CLSPN: variants seen among roughly 807,000 people sequenced by gnomAD.
CLSPN encodes claspin.
In CLSPN, 85 loss-of-function variants were observed where a neutral mutation model predicts 156.3. The observed-to-expected ratio is 0.54, with a 90% confidence interval of 0.46 to 0.65. The LOEUF (loss-of-function observed/expected upper bound fraction) is 0.65. Ranked by LOEUF, CLSPN falls within the 30% of genes least tolerant of loss-of-function variation. The pLI is 0.00. For missense variants in CLSPN, 1,407 were observed against 1,554.9 expected, an observed-to-expected ratio of 0.90 and a Z score of 1.60; for synonymous variants, 534 against 542.4, an observed-to-expected ratio of 0.98 and a Z score of 0.22.
chr1:35,757,279 T>C (rs1642304350), intron 8 of CLSPN, among the ~76,000 whole-genome samples: 1 of 152,160 alleles, frequency 6.6e-6, no homozygotes, highest in Non-Finnish European at 1.5e-5. Flanking sequence ...TTCAATTTCT[T>C]TGAGAGCAGG....
At chr1:35,753,693 CTGTT>C in intron 9 of CLSPN, 48 bp downstream of exon 9, 1 of 1,511,392 alleles carries the variant, frequency 6.6e-7, no homozygotes, top group South Asian at 1.1e-5. Context: ...CCTTGAAGAT[CTGTT>C]AGAATACAAA....
Position 35,737,986 on chromosome 1 carries a change from G to T in CLSPN, c.3664+6C>A. ...GGCTAGACCCTAAGGAGAAACAAGAGCTCACCATTCTTCTGCAGTGCTTTG... is the reference window on the plus strand; with the variant it reads ...GGCTAGACCCTAAGGAGAAACAAGATCTCACCATTCTTCTGCAGTGCTTTG... On this transcript the variant is annotated splice_donor_region_variant and intron_variant, in intron 22 of 24. Coordinates refer to ENST00000318121, the MANE Select transcript of CLSPN (RefSeq NM_022111.4). 3 of 1,436,600 alleles carry T rather than the reference G, an allele frequency of 2.1e-6. No individual in the cohort carries two copies. The highest frequency in any genetic ancestry group is 2.8e-6 in the Non-Finnish European group (3 of 1,073,028). The allele number at this position is 1,436,600 out of a possible 1,614,324, so 89.0% of individuals were successfully genotyped here.
intron 2 of CLSPN, 67 bp downstream of exon 2, chr1:35,765,151 C>A (rs1642625685): frequency 4.5e-6 from 4 of 894,142 alleles, no homozygotes; most frequent in South Asian, 2.9e-5. Flanking sequence ...ATAATGAAAT[C>A]AATCCAATCT....
At chr1:35,766,291 G>A (rs1305510814) in intron 1 of CLSPN, among the ~76,000 whole-genome samples, 1 of 150,866 alleles carries the variant, frequency 6.6e-6, no homozygotes, top group African/African-American at 2.4e-5. Context: ...CACTGCACCC[G>A]GCCGGTTTCT....
At position 35,765,026 on chromosome 1, in the gene CLSPN, T is replaced by G. The variant is rs1203140960; in HGVS notation, c.133+192A>C. 2.0e-5 allele frequency among the ~76,000 whole-genome samples: 3 copies of G among 152,192 alleles called. No individual in the cohort carries two copies. The East Asian group carries it at 5.8e-4, about 29-fold the overall frequency. The stretch of plus-strand genomic sequence containing the variant: ...GCAATTAACCAGGCAATATGGTAGC[T>G]ATTAGACATTCAACAATATAACATA... On this transcript the variant is annotated intron_variant, in intron 2 of 24. Coordinates refer to ENST00000318121, the MANE Select transcript of CLSPN (RefSeq NM_022111.4).
intron 24 of CLSPN, among the ~76,000 whole-genome samples, chr1:35,722,010 G>A (rs58348672): frequency 3.3e-5 from 5 of 151,664 alleles, no homozygotes; most frequent in African/African-American, 9.7e-5. Flanking sequence ...ATGGTGGTGC[G>A]CGTCTGTAAT....
At chr1:35,766,310 A>G (rs1281782796) in intron 1 of CLSPN, among the ~76,000 whole-genome samples, 1 of 151,124 alleles carries the variant, frequency 6.6e-6, no homozygotes, top group Non-Finnish European at 1.5e-5. Context: ...CTTTAACAAT[A>G]TATTGCAAAG....
At position 35,764,484 on chromosome 1, in the gene CLSPN, C is replaced by T; in HGVS notation, c.364G>A (p.Glu122Lys). The T allele has an allele frequency of 6.2e-7, 1 of 1,614,094 alleles. No homozygotes were observed. The highest frequency in any genetic ancestry group is 1.3e-5 in the African/African-American group (1 of 75,036). The change falls in exon 3 of 25, where the codon GAA (glutamate) becomes AAA (lysine). Residue 122 changes from glutamate to lysine, a missense_variant. Glu to Lys is a moderately conservative substitution (Grantham distance 56). Around this residue, in one of 3 missense-constraint regions of CLSPN, gnomAD observed 1,096 missense variants for 1,193.0 expected, o/e 0.92. Transcript: ENST00000318121. ...ESYMEKSLYQENLEAQVKPCL... is the reference protein window; with the variant it reads ...ESYMEKSLYQKNLEAQVKPCL... ...GGTTTCACTTGCGCTTCAAGATTTT[C>T]CTGATACAAAGACTTTTCCATGTAA...
In CLSPN at chr1:35,721,016, A is replaced by C. The variant is rs140071666; in HGVS notation, c.3910-36T>G. On this transcript the variant is annotated intron_variant, in intron 24 of 24. Transcript: ENST00000251195. Reference sequence around the variant, plus strand: ...ATTAAAGGAAGACGAGGCAGGGAAGAAACAGAGATGAGAGATAGTTCTGAT... The same window carrying C: ...ATTAAAGGAAGACGAGGCAGGGAAGCAACAGAGATGAGAGATAGTTCTGAT... 9,666 of 1,422,048 alleles carry C rather than the reference A, an allele frequency of 6.8e-3. 65 individuals are homozygous for C. Among genetic ancestry groups the C allele is most frequent in the Non-Finnish European group, 6.9e-3 (7,032 of 1,011,838 alleles). 88.1% of individuals were successfully genotyped at this position (1,422,048 alleles called of 1,614,324 possible).
intron 24 of CLSPN, chr1:35,721,026 G>T: frequency 7.5e-7 from 1 of 1,329,492 alleles, no homozygotes; most frequent in Non-Finnish European, 1.1e-6. Flanking sequence ...AAACAGAGAT[G>T]AGAGATAGTT....
At chr1:35,749,606 T>A (rs1439234999) in intron 11 of CLSPN, 27 bp downstream of exon 11, 1 of 1,613,550 alleles carries the variant, frequency 6.2e-7, no homozygotes, top group Non-Finnish European at 8.5e-7. Flanking sequence ...AAGGCAATTT[T>A]AAGTTTTCTT....
intron 10 of CLSPN, 106 bp downstream of exon 10, chr1:35,751,144 A>C: frequency 6.9e-7 from 1 of 1,450,354 alleles, no homozygotes; most frequent in African/African-American, 1.4e-5. Context: ...CATGCCCCTA[A>C]AACCTCTTAT....
At chr1:35,758,529 C>T (rs1433703093) in intron 8 of CLSPN, among the ~76,000 whole-genome samples, 1 of 151,916 alleles carries the variant, frequency 6.6e-6, no homozygotes, top group Non-Finnish European at 1.5e-5. Context: ...CCTGTAATCC[C>T]AGCTACTTGA....
chr1:35,745,777 C>T (rs554991533), intron 15 of CLSPN, among the ~76,000 whole-genome samples: 6 of 152,308 alleles, frequency 3.9e-5, no homozygotes, highest in African/African-American at 1.2e-4. Flanking sequence ...ACCACTATCC[C>T]AGGTCTCATA....
At position 35,737,418 on chromosome 1, in the gene CLSPN, C is replaced by T. The variant is rs749034696; in HGVS notation, c.3668G>A (p.Ser1223Asn). ...VTAKALQKNA[S>N]RPMVIQESKS... ...TGATTCCTGAATAACCATAGGGCGA[C>T]TGGCTGGAAAGAAAAGACAGAGAGG... The change falls in exon 23 of 25, where the codon AGT (serine) becomes AAT (asparagine). Residue 1223 changes from serine (S) to asparagine (N), a missense_variant. By Grantham distance (46) the Ser-to-Asn change is conservative. This residue lies in a region of CLSPN where 241 missense variants were observed against 240.5 expected (regional missense o/e 1.00). Coordinates refer to ENST00000318121, the MANE Select transcript of CLSPN (RefSeq NM_022111.4). The T allele has an allele frequency of 4.3e-6, 7 of 1,612,998 alleles. No homozygotes were observed. The East Asian group carries it at 1.6e-4, about 36-fold the overall frequency.
At chr1:35,745,810 T>G in intron 15 of CLSPN, among the ~76,000 whole-genome samples, 1 of 152,190 alleles carries the variant, frequency 6.6e-6, no homozygotes, top group East Asian at 1.9e-4. Flanking sequence ...GATCTAGCAG[T>G]TGTGTGTATT....
chr1:35,745,597 G>T, intron 15 of CLSPN, 35 bp from the exon 16 acceptor site: 1 of 1,392,620 alleles, frequency 7.2e-7, no homozygotes, highest in South Asian at 1.2e-5. Context: ...TGTCACCAAG[G>T]AATGATAGCT....
intron 20 of CLSPN, 78 bp from the exon 21 acceptor site, chr1:35,738,660 T>C: frequency 6.9e-7 from 1 of 1,448,332 alleles, no homozygotes; most frequent in Non-Finnish European, 9.5e-7. Flanking sequence ...AAATAAACCC[T>C]TATCATTTAC....
intron 24 of CLSPN, among the ~76,000 whole-genome samples, chr1:35,725,197 G>A (rs140839974): frequency 1.8e-4 from 28 of 152,266 alleles, no homozygotes; most frequent in African/African-American, 6.7e-4. Flanking sequence ...ATGAACCTAG[G>A]AAATGAATCC....
Sources: gnomAD v4.1 joint callset for allele counts (sites outside exome capture counted in the v4.1 genomes callset) on GRCh38, gnomAD v4.1.1 for gene constraint, gnomAD v4.1.1 regional missense constraint, MANE v1.5 for transcripts, NCBI Gene and HGNC (gene_info 2026-07-23, HGNC 2026-07-21) for gene names.